USP15: variants seen among roughly 807,000 people sequenced by gnomAD.
The protein encoded by USP15 is ubiquitin carboxyl-terminal hydrolase 15.
A neutral mutation model predicts 127.1 loss-of-function variants in USP15; 18 were observed. The ratio of observed to expected loss-of-function variants is 0.14; its 90% CI spans 0.10 to 0.21. The LOEUF (loss-of-function observed/expected upper bound fraction) is 0.21, where lower values mean the gene tolerates loss of function less well. USP15 is among the 10% of genes least tolerant of loss of function. The probability of loss-of-function intolerance (pLI) is 1.00; values close to 1 mark genes in which losing one functional copy is unlikely to be tolerated. For synonymous variants in USP15, 364 were observed against 393.7 expected, an observed-to-expected ratio of 0.92 and a Z score of 0.89; for missense variants, 805 against 1,159.9, an observed-to-expected ratio of 0.69 and a Z score of 4.44.
intron 7 of USP15, among the ~76,000 whole-genome samples, chr12:62,351,882 A>G (rs1372791077): frequency 6.6e-6 from 1 of 151,192 alleles, no homozygotes; most frequent in Non-Finnish European, 1.5e-5. Context: ...CGTAAAATGG[A>G]AAGTTTTTTT....
intron 20 of USP15, among the ~76,000 whole-genome samples, chr12:62,396,979 A>C (rs1238385660): frequency 6.6e-6 from 1 of 152,184 alleles, no homozygotes; most frequent in Non-Finnish European, 1.5e-5. Context: ...CAAAAGTGAA[A>C]TTGCTGAGTT....
At chr12:62,340,895 T>C (rs926712152) in intron 6 of USP15, among the ~76,000 whole-genome samples, 1 of 152,236 alleles carries the variant, frequency 6.6e-6, no homozygotes, top group African/African-American at 2.4e-5. Context: ...GAGGTCCACT[T>C]GATCCAGAGC....
intron 2 of USP15, among the ~76,000 whole-genome samples, chr12:62,294,917 G>C (rs1022739400): frequency 2.6e-5 from 4 of 152,156 alleles, no homozygotes; most frequent in Non-Finnish European, 4.4e-5. Context: ...AGTGATCCTT[G>C]AGAGATGCGA....
intron 13 of USP15, 38 bp from the exon 14 acceptor site, chr12:62,389,759 A>G (rs767600418): frequency 2.7e-5 from 44 of 1,600,126 alleles, no homozygotes; most frequent in Non-Finnish European, 3.5e-5. Flanking sequence ...GAAGTAACAT[A>G]AAATTTTGAG....
intron 6 of USP15, among the ~76,000 whole-genome samples, chr12:62,340,347 T>A (rs895718780): frequency 1.3e-5 from 2 of 151,976 alleles, no homozygotes; most frequent in African/African-American, 4.8e-5. Context: ...TGGATTCGTT[T>A]ATTTTTATTT....
At chr12:62,262,561 A>G (rs2063097527) in intron 1 of USP15, among the ~76,000 whole-genome samples, 1 of 152,204 alleles carries the variant, frequency 6.6e-6, no homozygotes, top group South Asian at 2.1e-4. Flanking sequence ...GATAGGAGCA[A>G]TATGTGCATT....
intron 6 of USP15, among the ~76,000 whole-genome samples, chr12:62,337,700 C>A (rs577837535): frequency 7.6e-5 from 11 of 144,262 alleles, no homozygotes; most frequent in Admixed American, 3.7e-4. Context: ...TCTCATTGTT[C>A]AACTCCCACT....
chr12:62,297,757 C>G (rs2137170266), intron 2 of USP15, among the ~76,000 whole-genome samples: 1 of 152,192 alleles, frequency 6.6e-6, no homozygotes, highest in Admixed American at 6.5e-5. Context: ...TGCACAAACA[C>G]CTGTGCAAAG....
At chr12:62,314,428 G>A (rs578241703) in intron 3 of USP15, among the ~76,000 whole-genome samples, 8 of 151,896 alleles carry the variant, frequency 5.3e-5, no homozygotes, top group Admixed American at 2.6e-4. Context: ...AACAGAGAAC[G>A]TACATATATA....
intron 1 of USP15, among the ~76,000 whole-genome samples, chr12:62,286,481 G>A (rs898964844): frequency 2.0e-5 from 3 of 152,034 alleles, no homozygotes; most frequent in African/African-American, 7.2e-5. Context: ...ATTTCTCAAA[G>A]AACTAAAAAT....
chr12:62,290,100 G>C (rs1258418486), intron 1 of USP15, among the ~76,000 whole-genome samples: 2 of 152,154 alleles, frequency 1.3e-5, no homozygotes. Flanking sequence ...TTTGGGGCTA[G>C]AATGTTCTGC....
intron 19 of USP15, among the ~76,000 whole-genome samples, chr12:62,394,739 C>A (rs1227704837): frequency 6.6e-6 from 1 of 151,874 alleles, no homozygotes; most frequent in Non-Finnish European, 1.5e-5. Context: ...GTCCCAGCTA[C>A]TCGGGAGGCT....
At position 62,409,145 on chromosome 12, in the gene USP15, T is replaced by C. The variant is rs1407777948; in HGVS notation, c.*4770T>C. 1 of 152,168 alleles carries C rather than the reference T, an allele frequency of 6.6e-6. No homozygotes were observed. Among genetic ancestry groups the C allele is most frequent in the Non-Finnish European group, 1.5e-5 (1 of 68,012 alleles). 9.4% of individuals were successfully genotyped at this position (152,168 alleles called of 1,614,324 possible). A position where few individuals can be genotyped will look rare whatever the true frequency, so the allele number is the denominator to read the frequency against. ...TCAAAAATTATTTTTGGAAAATATATGCATCGGGAAACATACCCCACACGG... is the reference window on the plus strand; with the variant it reads ...TCAAAAATTATTTTTGGAAAATATACGCATCGGGAAACATACCCCACACGG... On this transcript the variant is annotated 3_prime_UTR_variant, in exon 22 of 22. Transcript: ENST00000280377.
At chr12:62,372,439 A>T (rs2066704901) in intron 8 of USP15, among the ~76,000 whole-genome samples, 1 of 152,070 alleles carries the variant, frequency 6.6e-6, no homozygotes, top group South Asian at 2.1e-4. Flanking sequence ...ACTTACAGAG[A>T]CTCTTGAAGT....
intron 6 of USP15, among the ~76,000 whole-genome samples, chr12:62,342,023 C>G (rs1326035879): frequency 6.6e-6 from 1 of 152,132 alleles, no homozygotes; most frequent in Non-Finnish European, 1.5e-5. Context: ...TGGTTCCATT[C>G]TCCCCGTCAC....
chr12:62,322,527 A>C (rs985666532), intron 5 of USP15, among the ~76,000 whole-genome samples: 1 of 152,092 alleles, frequency 6.6e-6, no homozygotes, highest in African/African-American at 2.4e-5. Flanking sequence ...GTCTTGAAGT[A>C]ATCTCTGTGC....
chr12:62,324,790 A>G (rs946929199), intron 5 of USP15, among the ~76,000 whole-genome samples: 1 of 151,956 alleles, frequency 6.6e-6, no homozygotes, highest in African/African-American at 2.4e-5. Context: ...TCAACATTTT[A>G]TTGTTACATA....
chr12:62,389,364 G>A, intron 11 of USP15, 67 bp from the exon 12 acceptor site: 1 of 1,309,828 alleles, frequency 7.6e-7, no homozygotes, highest in South Asian at 1.4e-5. Context: ...CAACCATGAG[G>A]TCACTCTCAT....
At position 62,413,156 on chromosome 12, in the gene USP15, T is replaced by C. The variant is rs527522623; in HGVS notation, c.*8781T>C. ...GCAGTAATATTTTGAAAGGAATCTT[T>C]TTCTGAGCAATAGATCTCCGCAGTG... On this transcript the variant is annotated 3_prime_UTR_variant, in exon 22 of 22. Coordinates refer to ENST00000280377, the MANE Select transcript of USP15 (RefSeq NM_001252078.2). The C allele has an allele frequency of 1.4e-4, 21 of 152,310 alleles. No homozygotes were observed. Among genetic ancestry groups the C allele is most frequent in the Non-Finnish European group, 2.5e-4 (17 of 68,022 alleles). 9.4% of individuals were successfully genotyped at this position (152,310 alleles called of 1,614,324 possible). A position where few individuals can be genotyped will look rare whatever the true frequency, so the allele number is the denominator to read the frequency against.
Sources: allele counts gnomAD v4.1 joint callset (sites outside exome capture counted in the v4.1 genomes callset), GRCh38; gene constraint gnomAD v4.1.1; transcripts MANE v1.5; gene names NCBI Gene and HGNC (gene_info 2026-07-23, HGNC 2026-07-21).